Variants in SVIL observed in about 807,000 individuals in gnomAD.
SVIL encodes archvillin.
Under a neutral mutation model 240.4 loss-of-function variants are expected in SVIL, and 101 were observed. That is an observed-to-expected ratio of 0.42 (90% confidence interval 0.36 to 0.50). The LOEUF is 0.50. SVIL is among the 20% of genes least tolerant of loss of function. The probability of loss-of-function intolerance (pLI) is 0.01; values close to 1 mark genes in which losing one functional copy is unlikely to be tolerated. For missense variants in SVIL, 2,512 were observed against 2,818.7 expected, an observed-to-expected ratio of 0.89 and a Z score of 2.46; for synonymous variants, 999 against 1,100.0, an observed-to-expected ratio of 0.91 and a Z score of 1.82.
intron 3 of SVIL, among the ~76,000 whole-genome samples, chr10:29,561,584 AT>A (rs199711026): frequency 0.011 from 1,518 of 144,294 alleles, 7 homozygotes; most frequent in African/African-American, 0.014. Flanking sequence ...CTCAGAGGAA[AT>A]TTTTTTTTTT....
chr10:29,542,467 A>T (rs1409099972), intron 6 of SVIL, among the ~76,000 whole-genome samples: 1 of 152,038 alleles, frequency 6.6e-6, no homozygotes, highest in African/African-American at 2.4e-5. Context: ...AATTGCTAAA[A>T]TCCTCTTCTG....
chr10:29,486,781 T>C (rs1947441933), intron 24 of SVIL, among the ~76,000 whole-genome samples: 1 of 152,204 alleles, frequency 6.6e-6, no homozygotes, highest in Non-Finnish European at 1.5e-5. Flanking sequence ...CCATCTTCAA[T>C]AGGTCACATG....
rs946867221 is a variant in SVIL, at chr10:29,720,022, A to T, written c.-400+15729T>A. 5.3e-5 allele frequency among the ~76,000 whole-genome samples: 8 copies of T among 152,330 alleles called. No individual in the cohort carries two copies. In the East Asian group the frequency reaches 1.5e-3, roughly 29 times the overall value. ...TAACGTATATCAAAGCACATTGCAA[A>T]TTGCTTAAAACCAGGAACAAACAAA... is the stretch of plus-strand genomic sequence containing the variant. On this transcript the variant is annotated intron_variant, in intron 1 of 35. Transcript: ENST00000375400.
chr10:29,722,698 T>C (rs1474459088), intron 1 of SVIL, among the ~76,000 whole-genome samples: 1 of 152,154 alleles, frequency 6.6e-6, no homozygotes, highest in African/African-American at 2.4e-5. Flanking sequence ...AATTCTAGCC[T>C]CTAAATCCAA....
intron 1 of SVIL, among the ~76,000 whole-genome samples, chr10:29,720,200 C>G (rs1437388904): frequency 6.6e-6 from 1 of 151,958 alleles, no homozygotes; most frequent in South Asian, 2.1e-4. Context: ...TGAGACTTCA[C>G]TTTTTAAAAA....
intron 3 of SVIL, among the ~76,000 whole-genome samples, chr10:29,562,102 G>A (rs529206977): frequency 1.3e-5 from 2 of 152,162 alleles, no homozygotes; most frequent in South Asian, 2.1e-4. Context: ...TTTCTTTGGG[G>A]CATGATTTTT....
intron 2 of SVIL, among the ~76,000 whole-genome samples, chr10:29,679,881 T>TAA (rs552856511): frequency 2.1e-4 from 31 of 145,724 alleles, no homozygotes; most frequent in Middle Eastern, 3.5e-3. Context: ...AATCTAAAAT[T>TAA]AGAAAAAAAA....
At position 29,465,524 on chromosome 10, in the gene SVIL, C is replaced by A. The variant is rs574714089; in HGVS notation, c.6133+71G>T. The A allele has an allele frequency of 3.9e-6, 6 of 1,524,160 alleles. No homozygotes were observed. The East Asian group carries it at 1.4e-4, about 35-fold the overall frequency. 94.4% of individuals were successfully genotyped at this position (1,524,160 alleles called of 1,614,324 possible). ...ACAGAAGCTGCTTAATAAATACCAA[C>A]GTAAAATCAAAAGGCTTTCTGGAAG... On this transcript the variant is annotated intron_variant, in intron 34 of 37. Coordinates refer to ENST00000355867, the MANE Select transcript of SVIL (RefSeq NM_021738.3).
At chr10:29,554,131 ATGT>A (rs1317541604) in intron 5 of SVIL, among the ~76,000 whole-genome samples, 1 of 152,050 alleles carries the variant, frequency 6.6e-6, no homozygotes, top group Non-Finnish European at 1.5e-5. Flanking sequence ...GATGACATAC[ATGT>A]TGTTGCTGTT....
chr10:29,474,498 G>A (rs971128610), intron 29 of SVIL, among the ~76,000 whole-genome samples: 5 of 152,166 alleles, frequency 3.3e-5, no homozygotes, highest in Middle Eastern at 3.4e-3. Flanking sequence ...GGGAGACTGA[G>A]GCAGGAGGAT....
At position 29,654,239 on chromosome 10, in the gene SVIL, GTA is replaced by G. The variant is rs1325450310; in HGVS notation, c.-201+3728_-201+3729del. Among the ~76,000 whole-genome samples the G allele has an allele frequency of 5.3e-5, 8 of 151,952 alleles. 1 individual carries two copies. The South Asian group carries it at 1.0e-3, about 20-fold the overall frequency. On this transcript the variant is annotated intron_variant, in intron 3 of 35. Coordinates refer to the SVIL transcript ENST00000375400. ...TTCAATGATGTTTTATAGTTTTAAG[GTA>G]TATGTTTTACACTTCTTTTGTTAAA...
At chr10:29,733,949 T>C (rs1160911137) in intron 1 of SVIL, among the ~76,000 whole-genome samples, 3 of 152,252 alleles carry the variant, frequency 2.0e-5, no homozygotes, top group South Asian at 2.1e-4. Flanking sequence ...TTTTAACTTA[T>C]CAGTCAGTAA....
At chr10:29,519,590 T>C (rs1232653649) in intron 16 of SVIL, among the ~76,000 whole-genome samples, 3 of 152,228 alleles carry the variant, frequency 2.0e-5, no homozygotes, top group African/African-American at 7.2e-5. Flanking sequence ...TGTAAATATA[T>C]GTAATTTAGT....
chr10:29,535,519 A>T (rs147006978), intron 7 of SVIL, among the ~76,000 whole-genome samples: 1 of 152,336 alleles, frequency 6.6e-6, no homozygotes, highest in Non-Finnish European at 1.5e-5. Flanking sequence ...TTAAAACCAC[A>T]TGCCCTAAAT....
chr10:29,506,473 T>C (rs1949283167), intron 17 of SVIL, among the ~76,000 whole-genome samples: 1 of 152,072 alleles, frequency 6.6e-6, no homozygotes, highest in African/African-American at 2.4e-5. Context: ...CCCAGACACC[T>C]TCCCTGTCAG....
At chr10:29,531,394 T>G in intron 9 of SVIL, 106 bp from the exon 10 acceptor site, 1 of 1,147,092 alleles carries the variant, frequency 8.7e-7, no homozygotes, top group African/African-American at 1.6e-5. Context: ...ATTAAATTCT[T>G]TTAAGAAATA....
chr10:29,700,451 G>A (rs1231481919), intron 1 of SVIL, among the ~76,000 whole-genome samples: 1 of 141,918 alleles, frequency 7.0e-6, no homozygotes, highest in Admixed American at 7.1e-5. Context: ...ACACAGAGAA[G>A]AAATTCTTAC....
At chr10:29,661,946 G>A (rs57917537) in intron 2 of SVIL, among the ~76,000 whole-genome samples, 1 of 152,060 alleles carries the variant, frequency 6.6e-6, no homozygotes, top group Non-Finnish European at 1.5e-5. Flanking sequence ...TTACAGGAGT[G>A]AGCCACCATG....
At chr10:29,458,991 A>ATTTT (rs34388233) in intron 36 of SVIL, among the ~76,000 whole-genome samples, 3 of 123,972 alleles carry the variant, frequency 2.4e-5, no homozygotes, top group Non-Finnish European at 3.4e-5. Flanking sequence ...TTCCTTTTCC[A>ATTTT]TTTTTTTTTT....
Sources: gnomAD v4.1 joint callset for allele counts (sites outside exome capture counted in the v4.1 genomes callset) on GRCh38, gnomAD v4.1.1 for gene constraint, MANE v1.5 for transcripts, NCBI Gene and HGNC (gene_info 2026-07-23, HGNC 2026-07-21) for gene names.